The following IGFL4 variants were observed in gnomAD, a reference collection of about 807,000 sequenced individuals.
IGFL4 encodes the protein IGF like family member 4.
Under a neutral mutation model 15.4 loss-of-function variants are expected in IGFL4, and 12 were observed. The observed-to-expected ratio is 0.78, with a 90% CI of 0.50 to 1.26. The LOEUF (loss-of-function observed/expected upper bound fraction) is 1.26, where lower values mean the gene tolerates loss of function less well. IGFL4 is among the 50% of genes most tolerant of loss of function. IGFL4 has a pLI of 0.00. For synonymous variants in IGFL4, 54 were observed against 55.9 expected (o/e 0.97, Z 0.16); for missense variants, 126 against 147.8 (o/e 0.85, Z 0.76).
At chr19:46,050,077 A>T (rs758572833) in intron 2 of IGFL4, among the ~76,000 whole-genome samples, 8 of 152,322 alleles carry the variant, frequency 5.3e-5, no homozygotes, top group Non-Finnish European at 8.8e-5. Flanking sequence ...CAATCACTGC[A>T]GTTCAGCTCT....
chr19:46,050,793 A>G (rs1220322353), intron 2 of IGFL4, among the ~76,000 whole-genome samples: 2 of 152,196 alleles, frequency 1.3e-5, no homozygotes, highest in East Asian at 3.8e-4. Flanking sequence ...AGAGATTTAG[A>G]CGTTCAAATA....
intron 2 of IGFL4, among the ~76,000 whole-genome samples, chr19:46,049,117 G>C (rs905108885): frequency 1.3e-5 from 2 of 152,106 alleles, no homozygotes; most frequent in African/African-American, 4.8e-5. Flanking sequence ...CCATGGCTGG[G>C]AATCTCTCTG....
intron 2 of IGFL4, among the ~76,000 whole-genome samples, chr19:46,057,251 C>T (rs1969401650): frequency 2.6e-5 from 4 of 151,984 alleles, no homozygotes; most frequent in Admixed American, 2.6e-4. Context: ...AGGTAGTGGA[C>T]TCTTAAGCTT....
chr19:46,050,672 A>G (rs929286151), intron 2 of IGFL4, among the ~76,000 whole-genome samples: 1 of 152,234 alleles, frequency 6.6e-6, no homozygotes, highest in African/African-American at 2.4e-5. Context: ...TTGGGATTAT[A>G]TTAAACGTCC....
Position 46,040,764 on chromosome 19 carries a change from C to T in IGFL4, c.19+180G>A. 1.1e-6 allele frequency: 1 copy of T among 948,924 alleles called. No individual in the cohort carries two copies. The highest frequency in any genetic ancestry group is 1.6e-6 in the Non-Finnish European group (1 of 608,408). The allele number at this position is 948,924 out of a possible 1,614,324, so 58.8% of individuals were successfully genotyped here. On this transcript the variant is annotated intron_variant, in intron 1 of 3. Coordinates refer to ENST00000377697, the MANE Select transcript of IGFL4 (RefSeq NM_001002923.3). The surrounding 1 kb of genome is among the most constrained non-coding windows in gnomAD (Gnocchi z 4.1). ...AGGGAGGGCTCTGGGAAAAGTTAAG[C>T]TTCTGGAATTTGCAGTTCAGGAGAC...
chr19:46,040,181 G>A lies in IGFL4; in HGVS notation c.306C>T (p.Ser102=). The A allele has an allele frequency of 6.2e-7, 1 of 1,613,988 alleles. No individual in the cohort carries two copies. The highest frequency in any genetic ancestry group is 8.5e-7 in the Non-Finnish European group (1 of 1,180,038). The part of the protein sequence containing the change: ...VPGMKPDCKS[S]PITRICAQEY... ...CCTGGGCACAGATCCTGGTGATAGG[G>A]GAGGACTTGCAATCTGGCTTCATGC... is the stretch of plus-strand genomic sequence containing the variant. The change falls in exon 3 of 4, where the codon TCC becomes TCT. Residue 102 remains serine (S), a synonymous_variant. Coordinates refer to ENST00000377697, the MANE Select transcript of IGFL4 (RefSeq NM_001002923.3). The surrounding 1 kb of genome is among the most constrained non-coding windows in gnomAD (Gnocchi z 4.1).
At chr19:46,056,696 A>G (rs1327905980) in intron 2 of IGFL4, among the ~76,000 whole-genome samples, 1 of 152,188 alleles carries the variant, frequency 6.6e-6, no homozygotes, top group Non-Finnish European at 1.5e-5. Context: ...GCAATGAAAT[A>G]TTTCCACTTA....
chr19:46,053,152 C>T (rs1216701138), intron 2 of IGFL4, among the ~76,000 whole-genome samples: 1 of 152,094 alleles, frequency 6.6e-6, no homozygotes, highest in Non-Finnish European at 1.5e-5. Flanking sequence ...ATATTAGTCA[C>T]TTACACTGCA....
chr19:46,052,146 T>C (rs1969350754), intron 2 of IGFL4, among the ~76,000 whole-genome samples: 1 of 152,140 alleles, frequency 6.6e-6, no homozygotes, highest in South Asian at 2.1e-4. Context: ...TTAACAGATA[T>C]TTACACAACA....
upstream of IGFL4, among the ~76,000 whole-genome samples, chr19:46,077,539 G>A (rs151071038): frequency 4.8e-3 from 728 of 152,360 alleles, 7 homozygotes; most frequent in African/African-American, 0.016. This position sits in a 1 kb window ranked among gnomAD's most constrained non-coding sequence, Gnocchi z 5.4. Flanking sequence ...AGCGTTCCAA[G>A]TGTCCAGAGC....
chr19:46,050,383 G>C (rs571082449), intron 2 of IGFL4, among the ~76,000 whole-genome samples: 255 of 152,298 alleles, frequency 1.7e-3, no homozygotes, highest in Non-Finnish European at 2.8e-3. Context: ...GGAGGCACCA[G>C]AGAAAGGTGA....
upstream of IGFL4, among the ~76,000 whole-genome samples, chr19:46,041,728 GA>G (rs1568709623): frequency 1.3e-5 from 2 of 151,908 alleles, no homozygotes; most frequent in African/African-American, 4.8e-5. Context: ...GTGTCACAGT[GA>G]GAAGGGTGGG....
rs1008975573 is a variant in IGFL4, at chr19:46,060,465, A to G, written c.-431-172T>C. On this transcript the variant is annotated intron_variant, in intron 1 of 5. Transcript: ENST00000601672. ...GTTTTTTCCTGTATTCTAATGTCAC[A>G]ATCTCCAAAGTTATCAGAAAACCTG... 2.0e-5 allele frequency among the ~76,000 whole-genome samples: 3 copies of G among 152,208 alleles called. No individual in the cohort carries two copies. The East Asian group carries it at 5.8e-4, about 29-fold the overall frequency.
At chr19:46,050,595 A>C (rs1442038608) in intron 2 of IGFL4, among the ~76,000 whole-genome samples, 1 of 152,212 alleles carries the variant, frequency 6.6e-6, no homozygotes, top group Non-Finnish European at 1.5e-5. Flanking sequence ...AAGGCTTTCA[A>C]ACTAACCCAA....
intron 2 of IGFL4, among the ~76,000 whole-genome samples, chr19:46,055,437 C>T (rs138084687): frequency 6.6e-6 from 1 of 152,242 alleles, no homozygotes; most frequent in Non-Finnish European, 1.5e-5. Flanking sequence ...TTGTTAGCCT[C>T]CCATGGCTGG....
intron 2 of IGFL4, among the ~76,000 whole-genome samples, chr19:46,053,212 C>CTGTTT (rs963070150): frequency 2.6e-5 from 4 of 152,106 alleles, no homozygotes; most frequent in East Asian, 1.9e-4. Flanking sequence ...TTTAAATGAT[C>CTGTTT]TGTTTTGTTT....
chr19:46,061,887 C>T (rs966103139), intron 1 of IGFL4, among the ~76,000 whole-genome samples: 5 of 152,166 alleles, frequency 3.3e-5, no homozygotes, highest in Admixed American at 2.6e-4. Flanking sequence ...AAGTATATTT[C>T]CTATCTAGTT....
intron 1 of IGFL4, among the ~76,000 whole-genome samples, chr19:46,074,308 C>CAT (rs1195881066): frequency 5.3e-5 from 8 of 150,868 alleles, no homozygotes; most frequent in African/African-American, 1.7e-4. Flanking sequence ...TACACACACA[C>CAT]ATATATATAT....
intron 1 of IGFL4, among the ~76,000 whole-genome samples, chr19:46,076,826 G>C (rs1969603990): frequency 6.6e-6 from 1 of 152,090 alleles, no homozygotes; most frequent in East Asian, 1.9e-4. Flanking sequence ...TTTCCTGGCT[G>C]CCCGGCACTT....
Sources: allele counts gnomAD v4.1 joint callset (sites outside exome capture counted in the v4.1 genomes callset), GRCh38; gene constraint gnomAD v4.1.1; non-coding constraint Gnocchi (gnomAD v3.1); transcripts MANE v1.5; gene names NCBI Gene and HGNC (gene_info 2026-07-23, HGNC 2026-07-21).